The following FERMT3 variants were observed in gnomAD, a reference collection of about 807,000 sequenced individuals.
FERMT3 encodes the protein FERM domain containing kindlin 3.
A neutral mutation model predicts 80.8 loss-of-function variants in FERMT3; 33 were observed. That is an observed-to-expected ratio of 0.41 (90% confidence interval 0.31 to 0.55). The LOEUF (loss-of-function observed/expected upper bound fraction) is 0.55. Ranked by LOEUF, FERMT3 falls within the 20% of genes least tolerant of loss-of-function variation. FERMT3 has a pLI of 0.31. For missense variants in FERMT3, 754 were observed against 908.7 expected, an observed-to-expected ratio of 0.83 and a Z score of 2.19; for synonymous variants, 375 against 372.2, an observed-to-expected ratio of 1.01 and a Z score of -0.09.
At position 64,217,510 on chromosome 11, in the gene FERMT3, T is replaced by G. The variant is rs570314074; in HGVS notation, c.787-1741T>G. On this transcript the variant is annotated intron_variant, in intron 6 of 14. Coordinates refer to ENST00000345728, the MANE Select transcript of FERMT3 (RefSeq NM_031471.6). ...GTTGCGGTGAGCCAAGATCGTGCCA[T>G]TGTACTCCAGCCTGGGCAACAAGAG... 3.9e-4 allele frequency among the ~76,000 whole-genome samples: 59 copies of G among 152,078 alleles called. 2 individuals are homozygous for G. The highest frequency in any genetic ancestry group is 3.5e-3 in the Admixed American group (53 of 15,258).
chr11:64,223,578 C>A lies in FERMT3; in HGVS notation c.*86C>A, dbSNP rs925906569. 1 of 1,463,936 alleles carries A rather than the reference C, an allele frequency of 6.8e-7. No individual in the cohort carries two copies. Among genetic ancestry groups the A allele is most frequent in the Non-Finnish European group, 9.3e-7 (1 of 1,080,326 alleles). The allele number at this position is 1,463,936 out of a possible 1,614,324, so 90.7% of individuals were successfully genotyped here. On this transcript the variant is annotated 3_prime_UTR_variant, in exon 15 of 15. Transcript: ENST00000345728. ...CCCACAGGGGCTCACTGCCCCACAC[C>A]CGCTCCAGGCAGGCACCCAGCTGGG...
intron 13 of FERMT3, 54 bp downstream of exon 13, chr11:64,221,194 AC>A (rs1468761757): frequency 6.4e-7 from 1 of 1,563,064 alleles, no homozygotes; most frequent in African/African-American, 1.3e-5. Flanking sequence ...CTCACCTGCC[AC>A]CCGGCTGCTG....
At position 64,221,061 on chromosome 11, in the gene FERMT3, T is replaced by C. The variant is rs1946670830; in HGVS notation, c.1591T>C (p.Ser531Pro). 1 of 1,612,656 alleles carries C rather than the reference T, an allele frequency of 6.2e-7. No individual in the cohort carries two copies. The highest frequency in any genetic ancestry group is 8.5e-7 in the Non-Finnish European group (1 of 1,180,020). The change falls in exon 13 of 15, where the codon TCG (serine) becomes CCG (proline). Residue 531 changes from serine (S) to proline (P), a missense_variant. Physicochemically the swap from Ser to Pro is moderately conservative, Grantham distance 74. Coordinates refer to ENST00000345728, the MANE Select transcript of FERMT3 (RefSeq NM_031471.6). ...LEAHQNVAQL[S>P]LAEAQLRFIQ... ...AGCCCACCAGAATGTGGCCCAGTTG[T>C]CGCTGGCAGAGGCCCAGCTGCGCTT...
At chr11:64,217,767 C>T (rs1174184514) in intron 6 of FERMT3, among the ~76,000 whole-genome samples, 2 of 152,140 alleles carry the variant, frequency 1.3e-5, no homozygotes, top group Non-Finnish European at 2.9e-5. Flanking sequence ...TCAGCTCACC[C>T]TCGCATCTCA....
At chr11:64,208,309 G>A (rs1237232183) in intron 2 of FERMT3, among the ~76,000 whole-genome samples, 1 of 152,226 alleles carries the variant, frequency 6.6e-6, no homozygotes, top group East Asian at 1.9e-4. Flanking sequence ...AGGGCCCGGA[G>A]CAGCTGTGAG....
chr11:64,212,015 G>A (rs1307078969), intron 6 of FERMT3, among the ~76,000 whole-genome samples: 6 of 152,172 alleles, frequency 3.9e-5, no homozygotes, highest in Non-Finnish European at 8.8e-5. Flanking sequence ...GAGCTGTCAG[G>A]GAGGAAGCTA....
rs1440796461 is a variant in FERMT3, at chr11:64,219,838, A to G, written c.1079+49A>G. ...AGCCCTGCTGGAGGGGTTGGTCTGC[A>G]TATGGAGGGAGGGGGTGAGGCGGCC... On this transcript the variant is annotated intron_variant, in intron 9 of 14. Coordinates refer to ENST00000345728, the MANE Select transcript of FERMT3 (RefSeq NM_031471.6). This position sits in a 1 kb window ranked among gnomAD's most constrained non-coding sequence, Gnocchi z 4.0. 6.2e-7 allele frequency: 1 copy of G among 1,613,904 alleles called. No individual in the cohort carries two copies. Among genetic ancestry groups the G allele is most frequent in the South Asian group, 1.1e-5 (1 of 91,082 alleles).
At chr11:64,223,013 G>A (rs763028548) in intron 13 of FERMT3, 35 bp from the exon 14 acceptor site, 1 of 1,612,758 alleles carries the variant, frequency 6.2e-7, no homozygotes. Context: ...CATGCAGGGT[G>A]GAGCCCTGGC....
rs1262063315 is a variant in FERMT3, at chr11:64,223,433, G to A, written c.1933G>A (p.Gly645Arg). The change falls in exon 15 of 15, where the codon GGG (glycine) becomes AGG (arginine). Residue 645 changes from glycine (G) to arginine (R), a missense_variant. Transcript: ENST00000345728. ...CCTGTCGACGCGGGAGCGGGCCCGTGGGGAGGAGCTGGATGAAGACCTCTT... is the reference window on the plus strand; with the variant it reads ...CCTGTCGACGCGGGAGCGGGCCCGTAGGGAGGAGCTGGATGAAGACCTCTT... The part of the protein sequence containing the change: ...IFLSTRERAR[G>R]EELDEDLFLQ... 1.2e-6 allele frequency: 2 copies of A among 1,613,188 alleles called. No individual in the cohort carries two copies. Among genetic ancestry groups the A allele is most frequent in the Admixed American group, 1.7e-5 (1 of 60,026 alleles).
rs1454288740 is a variant in FERMT3, at chr11:64,223,041, G to C, written c.1671-7G>C. The C allele has an allele frequency of 1.2e-6, 2 of 1,613,386 alleles. No homozygotes were observed. The highest frequency in any genetic ancestry group is 8.5e-7 in the Non-Finnish European group (1 of 1,180,014). Reference sequence around the variant, plus strand: ...GCCCTGGCTCACTCTCTCTCCCTGGGGGCCAGGTTCAAGGGCAGCAGGAAA... The same window carrying C: ...GCCCTGGCTCACTCTCTCTCCCTGGCGGCCAGGTTCAAGGGCAGCAGGAAA... On this transcript the variant is annotated splice_region_variant and splice_polypyrimidine_tract_variant and intron_variant, in intron 13 of 14. Coordinates refer to ENST00000345728, the MANE Select transcript of FERMT3 (RefSeq NM_031471.6).
intron 6 of FERMT3, among the ~76,000 whole-genome samples, chr11:64,213,243 G>A (rs1323415887): frequency 6.6e-6 from 1 of 151,818 alleles, no homozygotes; most frequent in African/African-American, 2.4e-5. Flanking sequence ...TGGTCAGGCT[G>A]GTCTCGAACT....
In FERMT3 at chr11:64,220,448, G is replaced by T. The variant is rs1351961380; in HGVS notation, c.1324G>T (p.Ala442Ser). Residue 442 changes from alanine to serine, a missense_variant, in exon 12 of 15, where the codon GCC (alanine) becomes TCC (serine). Transcript: ENST00000345728. ...CCCTCTCGCCCAGGAGCAGCAGTAT[G>T]CCCGCTGGATGGCTGGCTGCCGCCT... ...YLRCQDEQQYARWMAGCRLAS... is the reference protein window; with the variant it reads ...YLRCQDEQQYSRWMAGCRLAS... 6.2e-7 allele frequency: 1 copy of T among 1,611,060 alleles called. No individual in the cohort carries two copies.
In FERMT3 at chr11:64,219,576, C is replaced by T; in HGVS notation, c.947C>T (p.Thr316Ile). Residue 316 changes from threonine to isoleucine, a missense_variant, in exon 8 of 15, where the codon ACA becomes ATA. By Grantham distance (89) the Thr-to-Ile change is moderately conservative. Coordinates refer to ENST00000345728, the MANE Select transcript of FERMT3 (RefSeq NM_031471.6). The surrounding 1 kb of genome is among the most constrained non-coding windows in gnomAD (Gnocchi z 4.0). ...QSGEVGEPAGTDPGLDDLDVA... is the reference protein window; with the variant it reads ...QSGEVGEPAGIDPGLDDLDVA... ...GGGGAGGTGGGGGAGCCGGCTGGCA[C>T]AGACCCAGGGCTGGACGACCTGGAT... 1 of 1,612,452 alleles carries T rather than the reference C, an allele frequency of 6.2e-7. No homozygotes were observed. Among genetic ancestry groups the T allele is most frequent in the Non-Finnish European group, 8.5e-7 (1 of 1,179,898 alleles).
intron 6 of FERMT3, among the ~76,000 whole-genome samples, chr11:64,214,117 T>C (rs1438801389): frequency 6.6e-6 from 1 of 152,066 alleles, no homozygotes; most frequent in African/African-American, 2.4e-5. Context: ...ACAGAGTAAC[T>C]ATGATTATTT....
chr11:64,207,659 A>G (rs1037202592), intron 2 of FERMT3, 135 bp downstream of exon 2: 3 of 1,110,544 alleles, frequency 2.7e-6, no homozygotes, highest in African/African-American at 3.1e-5. Flanking sequence ...TAGCTTAATC[A>G]TTTGGTTCCA....
chr11:64,223,023 C>T (rs1946749283), intron 13 of FERMT3, 25 bp from the exon 14 acceptor site: 2 of 1,613,042 alleles, frequency 1.2e-6, no homozygotes, highest in Non-Finnish European at 1.7e-6. Flanking sequence ...GGAGCCCTGG[C>T]TCACTCTCTC....
rs2134847183 is a variant in FERMT3 at position 64,211,566 on chromosome 11, G to C, written c.684-79G>C. 6.6e-7 allele frequency: 1 copy of C among 1,522,816 alleles called. No individual in the cohort carries two copies. The highest frequency in any genetic ancestry group is 1.2e-5 in the South Asian group (1 of 84,950). The allele number at this position is 1,522,816 out of a possible 1,614,324, so 94.3% of individuals were successfully genotyped here. On this transcript the variant is annotated intron_variant, in intron 5 of 14. Transcript: ENST00000345728. The surrounding 1 kb of genome is among the most constrained non-coding windows in gnomAD (Gnocchi z 4.7). The stretch of plus-strand genomic sequence containing the variant: ...CCAGGCCTTTTCTCTGTGTGTGCTT[G>C]TCCCCCCAGCCCAGCCCCCCTCCCC...
intron 11 of FERMT3, 50 bp from the exon 12 acceptor site, chr11:64,220,386 G>T: frequency 6.2e-7 from 1 of 1,609,122 alleles, no homozygotes; most frequent in Non-Finnish European, 8.5e-7. Flanking sequence ...GGCAGGGGCT[G>T]AGGAGCATCA....
At chr11:64,215,963 C>G (rs763408769) in intron 6 of FERMT3, among the ~76,000 whole-genome samples, 19 of 151,754 alleles carry the variant, frequency 1.3e-4, no homozygotes, top group Non-Finnish European at 2.5e-4. Flanking sequence ...TCCTGAGTAG[C>G]TGGGATTATA....
Sources: allele counts gnomAD v4.1 joint callset (sites outside exome capture counted in the v4.1 genomes callset), GRCh38; gene constraint gnomAD v4.1.1; non-coding constraint Gnocchi (gnomAD v3.1); transcripts MANE v1.5; gene names NCBI Gene and HGNC (gene_info 2026-07-23, HGNC 2026-07-21).